Variants in MAPK4 observed in about 807,000 individuals in gnomAD.
MAPK4 encodes the protein mitogen-activated protein kinase 4, also known as Erk3-related.
Under a neutral mutation model 47.7 loss-of-function variants are expected in MAPK4, and 22 were observed. That is an observed-to-expected ratio of 0.46 (90% CI 0.33 to 0.66). The LOEUF (loss-of-function observed/expected upper bound fraction) is 0.66, where lower values mean the gene tolerates loss of function less well. MAPK4 is among the 30% of genes least tolerant of loss of function. The pLI is 0.02. For synonymous variants in MAPK4, 390 were observed against 365.7 expected, an observed-to-expected ratio of 1.07 and a Z score of -0.76; for missense variants, 736 against 831.7, an observed-to-expected ratio of 0.88 and a Z score of 1.42.
chr18:50,631,095 C>T (rs868686588), intron 1 of MAPK4, among the ~76,000 whole-genome samples: 3 of 152,208 alleles, frequency 2.0e-5, no homozygotes, highest in Non-Finnish European at 2.9e-5. Flanking sequence ...TGCACATTCC[C>T]GGCCGAGGTC....
At chr18:50,687,206 A>G (rs1430570775) in intron 2 of MAPK4, among the ~76,000 whole-genome samples, 3 of 152,084 alleles carry the variant, frequency 2.0e-5, no homozygotes, top group South Asian at 2.1e-4. Flanking sequence ...TCTATTTTTT[A>G]TAGAGACAGG....
intron 1 of MAPK4, among the ~76,000 whole-genome samples, chr18:50,640,668 G>A (rs1231093510): frequency 6.6e-6 from 1 of 152,142 alleles, no homozygotes; most frequent in African/African-American, 2.4e-5. Flanking sequence ...GTTTCACCAT[G>A]TTGGCCAGGC....
chr18:50,597,384 T>C (rs2042491637), intron 1 of MAPK4, among the ~76,000 whole-genome samples: 1 of 152,240 alleles, frequency 6.6e-6, no homozygotes, highest in Non-Finnish European at 1.5e-5. Flanking sequence ...GATGCTCACC[T>C]GTCTCTGAAA....
chr18:50,575,537 G>T (rs1168935848), intron 1 of MAPK4, among the ~76,000 whole-genome samples: 1 of 152,012 alleles, frequency 6.6e-6, no homozygotes, highest in Non-Finnish European at 1.5e-5. Context: ...GACAGCAAAA[G>T]AAATTCCAAA....
At chr18:50,658,633 G>A (rs537419138) in intron 1 of MAPK4, among the ~76,000 whole-genome samples, 32 of 152,344 alleles carry the variant, frequency 2.1e-4, no homozygotes, top group South Asian at 1.2e-3. Context: ...GTGGGGTTGC[G>A]GAGCAAGGCA....
At chr18:50,701,168 A>T (rs188473777) in intron 2 of MAPK4, among the ~76,000 whole-genome samples, 41 of 147,840 alleles carry the variant, frequency 2.8e-4, no homozygotes, top group African/African-American at 9.3e-4. Context: ...CTAACAAGAC[A>T]CCCCCACCCC....
At chr18:50,598,543 T>G (rs999776281) in intron 1 of MAPK4, among the ~76,000 whole-genome samples, 4 of 152,234 alleles carry the variant, frequency 2.6e-5, no homozygotes, top group Non-Finnish European at 5.9e-5. Context: ...TATACTATGA[T>G]TCTCTGTTCT....
At chr18:50,654,946 C>T (rs1036556115) in intron 1 of MAPK4, among the ~76,000 whole-genome samples, 1 of 152,220 alleles carries the variant, frequency 6.6e-6, no homozygotes, top group Non-Finnish European at 1.5e-5. Flanking sequence ...CTGAACGCTC[C>T]TGGAGTTTGC....
At chr18:50,626,340 G>T (rs1165246259) in intron 1 of MAPK4, among the ~76,000 whole-genome samples, 1 of 152,222 alleles carries the variant, frequency 6.6e-6, no homozygotes, top group African/African-American at 2.4e-5. Flanking sequence ...GGGAGGAAAT[G>T]CTGTGGACCA....
At chr18:50,637,079 G>T (rs1009035182) in intron 1 of MAPK4, among the ~76,000 whole-genome samples, 8 of 152,162 alleles carry the variant, frequency 5.3e-5, no homozygotes, top group Non-Finnish European at 1.0e-4. Context: ...CGGGAGCTCA[G>T]TTACCTGGTT....
intron 1 of MAPK4, among the ~76,000 whole-genome samples, chr18:50,573,216 A>G (rs1002255172): frequency 6.6e-5 from 10 of 152,232 alleles, no homozygotes; most frequent in African/African-American, 2.2e-4. Flanking sequence ...AGAAAAAAGA[A>G]GTCACTGTTT....
At chr18:50,670,276 A>G (rs1404259486) in intron 2 of MAPK4, 1 of 152,248 alleles carries the variant, frequency 6.6e-6, no homozygotes, top group African/African-American at 2.4e-5. Flanking sequence ...AAGGAAAGGA[A>G]GAGGAAGGTC....
At chr18:50,623,856 T>A (rs1411328582) in intron 1 of MAPK4, among the ~76,000 whole-genome samples, 2 of 152,236 alleles carry the variant, frequency 1.3e-5, no homozygotes, top group Admixed American at 1.3e-4. Flanking sequence ...CCTTCTGGAT[T>A]CAGCCCCACT....
chr18:50,675,072 A>G (rs927776146), intron 2 of MAPK4, among the ~76,000 whole-genome samples: 5 of 152,202 alleles, frequency 3.3e-5, no homozygotes, highest in African/African-American at 1.2e-4. Context: ...AAATCCTCAT[A>G]ACAACCTAAT....
At chr18:50,632,912 G>T (rs751541191) in intron 1 of MAPK4, among the ~76,000 whole-genome samples, 1 of 151,864 alleles carries the variant, frequency 6.6e-6, no homozygotes, top group Admixed American at 6.6e-5. Flanking sequence ...GAGCAACTGC[G>T]CCTGGCCTGA....
chr18:50,711,661 T>C (rs1329751244), intron 2 of MAPK4, among the ~76,000 whole-genome samples: 3 of 152,210 alleles, frequency 2.0e-5, no homozygotes, highest in African/African-American at 7.2e-5. Context: ...CCAGGTCTGA[T>C]CACAGAGACA....
intron 1 of MAPK4, among the ~76,000 whole-genome samples, chr18:50,634,964 G>A (rs1024374295): frequency 1.3e-5 from 2 of 152,150 alleles, no homozygotes; most frequent in Non-Finnish European, 2.9e-5. Context: ...TGCTCAGTTG[G>A]CGCTCCAGAC....
At chr18:50,610,866 G>T (rs1474373717) in intron 1 of MAPK4, among the ~76,000 whole-genome samples, 2 of 152,030 alleles carry the variant, frequency 1.3e-5, no homozygotes, top group African/African-American at 4.8e-5. Flanking sequence ...GCATCTTGAG[G>T]CCTAATATGT....
intron 2 of MAPK4, among the ~76,000 whole-genome samples, chr18:50,707,924 G>T (rs1260363635): frequency 6.6e-6 from 1 of 152,184 alleles, no homozygotes; most frequent in African/African-American, 2.4e-5. Context: ...CCTGAAAGGG[G>T]ATCAGCAGAT....
Sources: gnomAD v4.1 joint callset for allele counts (sites outside exome capture counted in the v4.1 genomes callset) on GRCh38, gnomAD v4.1.1 for gene constraint, MANE v1.5 for transcripts, NCBI Gene and HGNC (gene_info 2026-07-23, HGNC 2026-07-21) for gene names.